The following HDAC9 variants were observed in gnomAD, a reference collection of about 807,000 sequenced individuals.
HDAC9 encodes the protein histone deacetylase 9.
Under a neutral mutation model 139.4 loss-of-function variants are expected in HDAC9, and 41 were observed. That is an observed-to-expected ratio of 0.29 (90% CI 0.23 to 0.38). The LOEUF is 0.38. Ranked by LOEUF, HDAC9 falls within the 10% of genes least tolerant of loss-of-function variation. HDAC9 has a pLI of 1.00. For missense variants in HDAC9, 1,147 were observed against 1,297.0 expected, an observed-to-expected ratio of 0.88 and a Z score of 1.78; for synonymous variants, 517 against 476.2, an observed-to-expected ratio of 1.09 and a Z score of -1.12.
intron 1 of HDAC9, among the ~76,000 whole-genome samples, chr7:18,406,447 C>G (rs1788014380): frequency 6.6e-6 from 1 of 151,638 alleles, no homozygotes; most frequent in Non-Finnish European, 1.5e-5. Flanking sequence ...GGCTGGAGTG[C>G]AAGTGGTGCG....
intron 1 of HDAC9, among the ~76,000 whole-genome samples, chr7:18,451,379 GTGTGTGTGTGTGTGTGTGTGTGTATATA>G (rs1447894299): frequency 7.6e-6 from 1 of 131,266 alleles, no homozygotes; most frequent in African/African-American, 2.7e-5. Context: ...GTGTGTGTGT[GTGTGTGTGTGTGTGTGTGTGTGTATATA>G]TGTGTGTGTG....
At chr7:18,549,470 C>A (rs966029096) in intron 2 of HDAC9, among the ~76,000 whole-genome samples, 2 of 151,942 alleles carry the variant, frequency 1.3e-5, no homozygotes, top group South Asian at 2.1e-4. Context: ...TACTGCATTG[C>A]AATAAAAATG....
chr7:18,261,924 G>GTTT (rs1795706456), intron 2 of HDAC9, among the ~76,000 whole-genome samples: 1 of 152,204 alleles, frequency 6.6e-6, no homozygotes, highest in Non-Finnish European at 1.5e-5. Context: ...GTGATTTGCT[G>GTTT]CTTATTAGTG....
rs1216196626 is a variant in HDAC9 at position 18,999,170 on chromosome 7, C to T, written c.*3108C>T. ...ACAAATCACATTTCCATTACCAATC[C>T]TGGGGATGGAAATATTGCCTTCAGT... is the stretch of plus-strand genomic sequence containing the variant. On this transcript the variant is annotated 3_prime_UTR_variant, in exon 26 of 26. Coordinates refer to ENST00000686413, the MANE Select transcript of HDAC9 (RefSeq NM_178425.4). 1 of 152,052 alleles carries T rather than the reference C, an allele frequency of 6.6e-6. No individual in the cohort carries two copies. Among genetic ancestry groups the T allele is most frequent in the Non-Finnish European group, 1.5e-5 (1 of 68,022 alleles). The allele number at this position is 152,052 out of a possible 1,614,324, so 9.4% of individuals were successfully genotyped here. A position where few individuals can be genotyped will look rare whatever the true frequency, so the allele number is the denominator to read the frequency against.
chr7:18,320,491 C>G (rs1423714804), intron 1 of HDAC9, among the ~76,000 whole-genome samples: 1 of 151,988 alleles, frequency 6.6e-6, no homozygotes, highest in Non-Finnish European at 1.5e-5. Context: ...TCAGAGTATC[C>G]CTTATTGTCA....
At chr7:18,925,604 A>G (rs749522111) in intron 22 of HDAC9, among the ~76,000 whole-genome samples, 5 of 152,010 alleles carry the variant, frequency 3.3e-5, no homozygotes, top group South Asian at 2.1e-4. Flanking sequence ...AACTAAATCA[A>G]TGAAATTTTG....
chr7:18,757,416 T>A (rs931415176), intron 14 of HDAC9, among the ~76,000 whole-genome samples: 1 of 152,302 alleles, frequency 6.6e-6, no homozygotes, highest in Non-Finnish European at 1.5e-5. Context: ...CAAATTTAAG[T>A]TGGACATTTT....
chr7:18,485,414 A>C (rs990105580), intron 1 of HDAC9, among the ~76,000 whole-genome samples: 4 of 151,212 alleles, frequency 2.6e-5, no homozygotes, highest in Non-Finnish European at 4.4e-5. Context: ...ATATGATGAA[A>C]ATTTCCATTC....
At chr7:18,092,229 A>C (rs1439377624) in intron 1 of HDAC9, among the ~76,000 whole-genome samples, 1 of 151,998 alleles carries the variant, frequency 6.6e-6, no homozygotes, top group East Asian at 1.9e-4. Flanking sequence ...CTACAAAAAA[A>C]TGCAGAAAAA....
chr7:18,479,320 T>C (rs1232135443), intron 1 of HDAC9, among the ~76,000 whole-genome samples: 3 of 152,148 alleles, frequency 2.0e-5, no homozygotes, highest in Non-Finnish European at 4.4e-5. Flanking sequence ...ATGTGTAGTT[T>C]GATACAAAAA....
At chr7:18,280,933 T>G (rs142530144) in intron 2 of HDAC9, among the ~76,000 whole-genome samples, 1 of 152,230 alleles carries the variant, frequency 6.6e-6, no homozygotes, top group Non-Finnish European at 1.5e-5. Context: ...GTTCGCTTAA[T>G]GTTATCTTTT....
intron 1 of HDAC9, among the ~76,000 whole-genome samples, chr7:18,364,158 T>C (rs2128693103): frequency 6.6e-6 from 1 of 152,266 alleles, no homozygotes; most frequent in Admixed American, 6.5e-5. Flanking sequence ...TGCTCATGGC[T>C]TCTTGAACAT....
At chr7:18,639,287 T>C (rs1784823194) in intron 8 of HDAC9, among the ~76,000 whole-genome samples, 1 of 150,950 alleles carries the variant, frequency 6.6e-6, no homozygotes, top group South Asian at 2.1e-4. Context: ...TGGTTTTAGA[T>C]AGCAGCAAAT....
intron 5 of HDAC9, among the ~76,000 whole-genome samples, chr7:18,593,485 G>C (rs962063873): frequency 6.6e-6 from 1 of 152,070 alleles, no homozygotes; most frequent in African/African-American, 2.4e-5. Context: ...GTACTCACAT[G>C]TACTATCTAG....
At chr7:18,733,097 GTATA>G (rs1401006042) in intron 13 of HDAC9, among the ~76,000 whole-genome samples, 4 of 143,030 alleles carry the variant, frequency 2.8e-5, no homozygotes, top group Non-Finnish European at 4.6e-5. Context: ...ATATACATGT[GTATA>G]TATACATATA....
chr7:18,368,950 A>T (rs543466962), intron 1 of HDAC9, among the ~76,000 whole-genome samples: 3 of 152,076 alleles, frequency 2.0e-5, no homozygotes, highest in Admixed American at 2.0e-4. Context: ...TTAAACTTGT[A>T]TTCCATCTGC....
intron 13 of HDAC9, among the ~76,000 whole-genome samples, chr7:18,738,052 G>A (rs1787090031): frequency 6.6e-6 from 1 of 152,010 alleles, no homozygotes; most frequent in African/African-American, 2.4e-5. Context: ...TTGGTTTAAA[G>A]TCTGTTTTAT....
intron 22 of HDAC9, among the ~76,000 whole-genome samples, chr7:18,932,836 G>GAAAA (rs1315026563): frequency 7.9e-6 from 1 of 125,972 alleles, no homozygotes; most frequent in East Asian, 2.7e-4. Context: ...AGGAAGGAAG[G>GAAAA]AAGGAAGGAA....
chr7:18,407,579 T>C (rs960159451), intron 1 of HDAC9, among the ~76,000 whole-genome samples: 1 of 152,158 alleles, frequency 6.6e-6, no homozygotes, highest in African/African-American at 2.4e-5. Flanking sequence ...ATCATCCCAT[T>C]GTTCACACAG....
Sources: gnomAD v4.1 joint callset for allele counts (sites outside exome capture counted in the v4.1 genomes callset) on GRCh38, gnomAD v4.1.1 for gene constraint, MANE v1.5 for transcripts, NCBI Gene and HGNC (gene_info 2026-07-23, HGNC 2026-07-21) for gene names.